The following GUCY2F variants were observed in gnomAD, a reference collection of about 807,000 sequenced individuals.
The protein encoded by GUCY2F is retinal guanylyl cyclase 2.
In GUCY2F, 61 loss-of-function variants were observed where a neutral mutation model predicts 73.1. The ratio of observed to expected loss-of-function variants is 0.83; its 90% confidence interval spans 0.68 to 1.03. The LOEUF (loss-of-function observed/expected upper bound fraction) is 1.03, where lower values mean the gene tolerates loss of function less well. Ranked by LOEUF, GUCY2F falls within the 50% of genes least tolerant of loss-of-function variation. The probability of loss-of-function intolerance (pLI) is 0.00; values close to 1 mark genes in which losing one functional copy is unlikely to be tolerated. For missense variants in GUCY2F, 912 were observed against 854.3 expected, an observed-to-expected ratio of 1.07 and a Z score of -0.84; for synonymous variants, 331 against 307.8, an observed-to-expected ratio of 1.08 and a Z score of -0.79.
intron 2 of GUCY2F, 97 bp downstream of exon 2, chrX:109,475,110 A>G: frequency 1.2e-6 from 1 of 845,324 alleles, no homozygotes; most frequent in African/African-American, 2.0e-5. Context: ...ATGGGAAGGG[A>G]TGTGCTACCC....
chrX:109,437,947 C>A (rs138432447), intron 7 of GUCY2F, among the ~76,000 whole-genome samples: 2,080 of 112,379 alleles, frequency 0.019, 21 homozygotes, highest in Middle Eastern at 0.032. Context: ...ACATTTGAAG[C>A]AGTTCTCCTC....
chrX:109,465,224 T>C lies in GUCY2F; in HGVS notation c.950A>G (p.Glu317Gly). ...TTGATAGAAGGTCTTTTCTTGGGAC[T>C]CCACTGTAATGGTCAACACTGCATC... Reference protein sequence around the residue: ...AYDAVLTITVESQEKTFYQAF... With the variant: ...AYDAVLTITVGSQEKTFYQAF... The change falls in exon 3 of 20, where the codon GAG (glutamate) becomes GGG (glycine). Residue 317 changes from glutamate to glycine, a missense_variant. Coordinates refer to ENST00000218006, the MANE Select transcript of GUCY2F (RefSeq NM_001522.3). The C allele has an allele frequency of 8.3e-7, 1 of 1,208,155 alleles. No individual in the cohort carries two copies. Among genetic ancestry groups the C allele is most frequent in the Non-Finnish European group, 1.1e-6 (1 of 891,984 alleles).
Position 109,476,012 on chromosome X carries a change from T to G in GUCY2F, c.-76A>C. On this transcript the variant is annotated 5_prime_UTR_variant, in exon 2 of 20. Transcript: ENST00000218006. ...GCTTTCCCGACACAGACGGTGGTGTTTCCAAATGCCTGTCAATCAGAGGAA... is the reference window on the plus strand; with the variant it reads ...GCTTTCCCGACACAGACGGTGGTGTGTCCAAATGCCTGTCAATCAGAGGAA... The G allele has an allele frequency of 1.1e-6, 1 of 913,983 alleles. No homozygotes were observed. The highest frequency in any genetic ancestry group is 1.5e-6 in the Non-Finnish European group (1 of 667,897). The allele number at this position is 913,983 out of a possible 1,213,427, so 75.3% of individuals were successfully genotyped here.
At chrX:109,476,216 C>T (rs1475846482) in intron 1 of GUCY2F, among the ~76,000 whole-genome samples, 195 bp from the exon 2 acceptor site, 4 of 109,103 alleles carry the variant, frequency 3.7e-5, no homozygotes, top group Non-Finnish European at 5.7e-5. Flanking sequence ...CCACTGTTTG[C>T]CCACTTGCTT....
intron 3 of GUCY2F, among the ~76,000 whole-genome samples, chrX:109,454,100 A>G (rs1932204877): frequency 9.0e-6 from 1 of 111,641 alleles, no homozygotes; most frequent in Non-Finnish European, 1.9e-5. Flanking sequence ...TTATGAGCAA[A>G]CCAAGTCATA....
intron 9 of GUCY2F, among the ~76,000 whole-genome samples, chrX:109,404,832 T>G (rs1467332505): frequency 8.9e-6 from 1 of 112,395 alleles, no homozygotes; most frequent in Non-Finnish European, 1.9e-5. Flanking sequence ...TCACCCATTA[T>G]TGGCAAGAAT....
chrX:109,416,594 AT>A (rs776161440), intron 8 of GUCY2F, among the ~76,000 whole-genome samples: 1 of 110,770 alleles, frequency 9.0e-6, no homozygotes, highest in Non-Finnish European at 1.9e-5. Context: ...CAGCAAAACA[AT>A]TTTTTTTAGA....
Position 109,391,979 on chromosome X carries a change from C to G in GUCY2F, c.2713G>C (p.Val905Leu). 1 of 1,207,016 alleles carries G rather than the reference C, an allele frequency of 8.3e-7. No individual in the cohort carries two copies. Residue 905 changes from valine to leucine, a missense_variant, in exon 14 of 20, where the codon GTC becomes CTC. Coordinates refer to ENST00000218006, the MANE Select transcript of GUCY2F (RefSeq NM_001522.3). ...TISAMSEPIE[V>L]VDLLNDLYTL... ...TACAGGTCATTCAGAAGATCCACGACCTCAATGGGCTCACTCATGGCTGAA... is the reference window on the plus strand; with the variant it reads ...TACAGGTCATTCAGAAGATCCACGAGCTCAATGGGCTCACTCATGGCTGAA...
chrX:109,395,526 T>C, intron 11 of GUCY2F, 37 bp from the exon 12 acceptor site: 1 of 1,142,543 alleles, frequency 8.8e-7, no homozygotes, highest in East Asian at 3.0e-5. Context: ...TTACAAATCA[T>C]GGAAAAAATG....
chrX:109,381,047 A>G (rs969494415), intron 17 of GUCY2F, among the ~76,000 whole-genome samples: 1 of 111,815 alleles, frequency 8.9e-6, no homozygotes, highest in Non-Finnish European at 1.9e-5. Context: ...CTTGTAAGTG[A>G]CTCATCCAAC....
chrX:109,425,567 G>A (rs914550430), intron 8 of GUCY2F, among the ~76,000 whole-genome samples: 5 of 107,978 alleles, frequency 4.6e-5, no homozygotes, highest in African/African-American at 6.7e-5. Context: ...ACTCAACATC[G>A]TATGTTCTCA....
At chrX:109,386,238 G>A (rs1216196331) in intron 15 of GUCY2F, among the ~76,000 whole-genome samples, 1 of 112,182 alleles carries the variant, frequency 8.9e-6, no homozygotes, top group African/African-American at 3.2e-5. Flanking sequence ...AGTAACCCAA[G>A]ACAACATATG....
intron 1 of GUCY2F, 129 bp from the exon 2 acceptor site, chrX:109,476,150 C>T (rs1397860460): frequency 3.0e-6 from 1 of 337,169 alleles, no homozygotes. Context: ...TTTCCCCCAT[C>T]CTGACAAAAC....
intron 2 of GUCY2F, among the ~76,000 whole-genome samples, chrX:109,471,571 G>A (rs772260196): frequency 8.9e-6 from 1 of 112,257 alleles, no homozygotes; most frequent in East Asian, 2.8e-4. Context: ...CCTTGTGCAG[G>A]GCACAACCTA....
At chrX:109,449,231 T>C (rs1484125929) in intron 5 of GUCY2F, among the ~76,000 whole-genome samples, 1 of 112,328 alleles carries the variant, frequency 8.9e-6, no homozygotes, top group Admixed American at 9.4e-5. Context: ...CACTGCAGCT[T>C]TAAGTATCAG....
Position 109,385,262 on chromosome X carries a change from C to T in GUCY2F, c.2977G>A (p.Val993Met). Reference sequence around the variant, plus strand: ...CAGTATCTGGGCATGGTGAGGCCCACCACTCCAGCAACAACCGGCCCTATA... The same window carrying T: ...CAGTATCTGGGCATGGTGAGGCCCATCACTCCAGCAACAACCGGCCCTATA... The part of the protein sequence containing the change: ...LHSGPVVAGV[V>M]GLTMPRYCLF... Residue 993 changes from valine (V) to methionine (M), a missense_variant, in exon 16 of 20, where the codon GTG (valine) becomes ATG (methionine). Transcript: ENST00000218006. 1.7e-6 allele frequency: 2 copies of T among 1,174,592 alleles called. No homozygotes were observed. Among genetic ancestry groups the T allele is most frequent in the Non-Finnish European group, 2.3e-6 (2 of 863,155 alleles).
intron 8 of GUCY2F, among the ~76,000 whole-genome samples, chrX:109,411,179 C>T (rs142537269): frequency 0.01 from 1,077 of 106,400 alleles, 13 homozygotes; most frequent in East Asian, 0.052. Context: ...ATGCTGGTGC[C>T]CCACCCATAT....
intron 8 of GUCY2F, among the ~76,000 whole-genome samples, chrX:109,421,392 C>A (rs1931367569): frequency 9.0e-6 from 1 of 111,188 alleles, no homozygotes; most frequent in Admixed American, 9.5e-5. Context: ...ATACAATGGA[C>A]TATTACTCAG....
At chrX:109,451,230 A>G (rs1367695467) in intron 5 of GUCY2F, among the ~76,000 whole-genome samples, 1 of 112,444 alleles carries the variant, frequency 8.9e-6, no homozygotes, top group Non-Finnish European at 1.9e-5. Flanking sequence ...GGCCATCTTC[A>G]GCCACTTATC....
Sources: allele counts gnomAD v4.1 joint callset (sites outside exome capture counted in the v4.1 genomes callset), GRCh38; gene constraint gnomAD v4.1.1; transcripts MANE v1.5; gene names NCBI Gene and HGNC (gene_info 2026-07-23, HGNC 2026-07-21).